Variants in NRIP3 observed in about 807,000 individuals in gnomAD.
NRIP3 encodes nuclear receptor-interacting protein 3.
NRIP3 carries 31 observed loss-of-function variants against 29.0 expected under a neutral mutation model. That is an observed-to-expected ratio of 1.07 (90% confidence interval 0.80 to 1.44). The LOEUF (loss-of-function observed/expected upper bound fraction) is 1.44, where lower values mean the gene tolerates loss of function less well. Among genes scored for constraint, NRIP3 ranks in the 40% most tolerant of loss-of-function variants. The pLI is 0.00. For synonymous variants in NRIP3, 131 were observed against 118.3 expected, an observed-to-expected ratio of 1.11 and a Z score of -0.70; for missense variants, 314 against 297.9, an observed-to-expected ratio of 1.05 and a Z score of -0.40.
intron 1 of NRIP3, among the ~76,000 whole-genome samples, chr11:8,995,219 C>G (rs983504390): frequency 6.6e-6 from 1 of 152,162 alleles, no homozygotes; most frequent in Non-Finnish European, 1.5e-5. Context: ...CCTTCCACTA[C>G]CATTCATCCT....
chr11:8,983,205 T>C lies in NRIP3; in HGVS notation c.*340A>G. Reference sequence around the variant, plus strand: ...CTATAGGAAAAGAAGCACATATATCTATGGAGACACAGAACCTGGCAGCCC... The same window carrying C: ...CTATAGGAAAAGAAGCACATATATCCATGGAGACACAGAACCTGGCAGCCC... On this transcript the variant is annotated 3_prime_UTR_variant, in exon 7 of 7. Coordinates refer to ENST00000309166, the MANE Select transcript of NRIP3 (RefSeq NM_020645.3). 2.3e-6 allele frequency: 1 copy of C among 439,902 alleles called. No homozygotes were observed. Among genetic ancestry groups the C allele is most frequent in the Non-Finnish European group, 4.1e-6 (1 of 242,358 alleles). The allele number at this position is 439,902 out of a possible 1,614,324, so 27.2% of individuals were successfully genotyped here.
rs139920896 is a variant in NRIP3, at chr11:8,988,121, G to A, written c.336C>T (p.Cys112=). 3 of 1,613,756 alleles carry A rather than the reference G, an allele frequency of 1.9e-6. No individual in the cohort carries two copies. The change falls in exon 2 of 7, where the codon TGC becomes TGT. Residue 112 remains cysteine, a synonymous_variant. Coordinates refer to ENST00000309166, the MANE Select transcript of NRIP3 (RefSeq NM_020645.3). ...AAAGCTGTTCTCAGAACATTACCTGGCAAGAAACCAAAATCATGTCATCCT... is the reference window on the plus strand; with the variant it reads ...AAAGCTGTTCTCAGAACATTACCTGACAAGAAACCAAAATCATGTCATCCT... ...SEEDDMILVS[C]QCAGKDVKAL...
At chr11:8,983,745 G>GGT (rs1854460003) in intron 6 of NRIP3, 130 bp downstream of exon 6, 2 of 914,348 alleles carry the variant, frequency 2.2e-6, no homozygotes, top group African/African-American at 3.3e-5. Context: ...TGTGGGGAAG[G>GGT]GTGGATTTGT....
At position 8,982,946 on chromosome 11, in the gene NRIP3, T is replaced by G. The variant is rs1300644642; in HGVS notation, c.*599A>C. Reference sequence around the variant, plus strand: ...AAATCAGGTCTGCGTTCTTGGTCCCTTCAGTCACTGACCTAATATATGAAC... The same window carrying G: ...AAATCAGGTCTGCGTTCTTGGTCCCGTCAGTCACTGACCTAATATATGAAC... On this transcript the variant is annotated 3_prime_UTR_variant, in exon 7 of 7. Transcript: ENST00000309166. 1 of 456,436 alleles carries G rather than the reference T, an allele frequency of 2.2e-6. No individual in the cohort carries two copies. The highest frequency in any genetic ancestry group is 4.4e-6 in the Non-Finnish European group (1 of 226,930). 28.3% of individuals were successfully genotyped at this position (456,436 alleles called of 1,614,324 possible). A position where few individuals can be genotyped will look rare whatever the true frequency, so the allele number is the denominator to read the frequency against.
At chr11:8,986,997 A>C (rs1854530733) in intron 3 of NRIP3, among the ~76,000 whole-genome samples, 1 of 152,212 alleles carries the variant, frequency 6.6e-6, no homozygotes, top group Non-Finnish European at 1.5e-5. Context: ...CAGCCTGGGC[A>C]ACACAGTGAG....
intron 4 of NRIP3, among the ~76,000 whole-genome samples, chr11:8,984,545 G>A (rs894893738): frequency 5.3e-5 from 8 of 152,186 alleles, no homozygotes; most frequent in African/African-American, 1.4e-4. Flanking sequence ...TTACAGGCAT[G>A]AGCCACCGCG....
At chr11:9,001,170 G>A (rs1427960376) in intron 1 of NRIP3, among the ~76,000 whole-genome samples, 17 of 152,054 alleles carry the variant, frequency 1.1e-4, no homozygotes, top group Non-Finnish European at 1.5e-5. Context: ...AAAGCAAAAG[G>A]GGCAGACAAA....
intron 1 of NRIP3, among the ~76,000 whole-genome samples, chr11:8,995,240 C>T (rs963251347): frequency 2.0e-5 from 3 of 152,188 alleles, no homozygotes; most frequent in Non-Finnish European, 4.4e-5. Context: ...CCTTCCCAAT[C>T]TCATCTTTTT....
intron 4 of NRIP3, among the ~76,000 whole-genome samples, 199 bp from the exon 5 acceptor site, chr11:8,984,323 C>T (rs894779178): frequency 5.9e-5 from 9 of 151,752 alleles, no homozygotes; most frequent in East Asian, 1.9e-4. Context: ...AGTGCAGTGG[C>T]GCAATCTCGG....
chr11:9,003,975 G>C lies in NRIP3; in HGVS notation c.-40C>G, dbSNP rs377510441. On this transcript the variant is annotated 5_prime_UTR_variant, in exon 1 of 7. Coordinates refer to ENST00000309166, the MANE Select transcript of NRIP3 (RefSeq NM_020645.3). Reference sequence around the variant, plus strand: ...CGGCCCGGTAGCCCACAGCCCCCCGGCAGCCTCAGCCTCGAGCTCCTCCAG... The same window carrying C: ...CGGCCCGGTAGCCCACAGCCCCCCGCCAGCCTCAGCCTCGAGCTCCTCCAG... The C allele has an allele frequency of 1.2e-3, 1,681 of 1,456,500 alleles. 15 individuals carry two copies. In the African/African-American group the frequency reaches 0.022, roughly 19 times the overall value. The allele number at this position is 1,456,500 out of a possible 1,614,324, so 90.2% of individuals were successfully genotyped here.
intron 3 of NRIP3, among the ~76,000 whole-genome samples, chr11:8,986,950 G>GAA (rs1854530273): frequency 6.6e-6 from 1 of 152,202 alleles, no homozygotes; most frequent in East Asian, 1.9e-4. Flanking sequence ...CCCAGGAGGC[G>GAA]GAGGTTGCAG....
At chr11:9,004,004 C>T (rs548761634), upstream of NRIP3, 68 of 1,362,070 alleles carry the variant, frequency 5.0e-5, 1 homozygote, top group South Asian at 8.9e-4. Context: ...CCTCCAGCGC[C>T]GCAAGGGCCC....
At chr11:8,996,662 T>C (rs1393440696) in intron 1 of NRIP3, among the ~76,000 whole-genome samples, 3 of 152,248 alleles carry the variant, frequency 2.0e-5, no homozygotes. Flanking sequence ...ATTTCTACTA[T>C]TTGTATCCCC....
At chr11:9,004,060 C>A (rs570801994), upstream of NRIP3, 2 of 959,762 alleles carry the variant, frequency 2.1e-6, no homozygotes, top group Admixed American at 8.6e-5. Flanking sequence ...GGGGAGCAGC[C>A]AGTGCGCGCG....
At chr11:8,984,789 G>C (rs1414879021) in intron 4 of NRIP3, among the ~76,000 whole-genome samples, 5 of 152,134 alleles carry the variant, frequency 3.3e-5, no homozygotes, top group African/African-American at 1.2e-4. Context: ...TCTCTAACTA[G>C]TTCATGGAAA....
At chr11:8,990,398 C>T (rs1232739020) in intron 1 of NRIP3, among the ~76,000 whole-genome samples, 1 of 152,202 alleles carries the variant, frequency 6.6e-6, no homozygotes, top group Non-Finnish European at 1.5e-5. Context: ...GCATTTGGCC[C>T]TGCTGACTAT....
chr11:8,983,423 C>T lies in NRIP3; in HGVS notation c.*122G>A. 1 of 830,492 alleles carries T rather than the reference C, an allele frequency of 1.2e-6. No individual in the cohort carries two copies. The highest frequency in any genetic ancestry group is 2.6e-5 in the East Asian group (1 of 38,328). 51.4% of individuals were successfully genotyped at this position (830,492 alleles called of 1,614,324 possible). A position where few individuals can be genotyped will look rare whatever the true frequency, so the allele number is the denominator to read the frequency against. ...GAATGGGAAGGAGCCCCTGGAGCTT[C>T]TATTAGATGGAAGGACTTGGTCCAC... On this transcript the variant is annotated 3_prime_UTR_variant, in exon 7 of 7. Transcript: ENST00000309166.
chr11:8,985,778 C>T lies in NRIP3; in HGVS notation c.495G>A (p.Val165=). 1 of 1,614,098 alleles carries T rather than the reference C, an allele frequency of 6.2e-7. No individual in the cohort carries two copies. Among genetic ancestry groups the T allele is most frequent in the African/African-American group, 1.3e-5 (1 of 75,008 alleles). The change falls in exon 4 of 7, where the codon GTG becomes GTA. Residue 165 remains valine (V), a synonymous_variant. Transcript: ENST00000309166. ...KLSLPRHLKV[V]GQIEHLVITL... ...TGATCACTAGGTGCTCAATCTGGCCCACTACTTTGAGATGCCGGGGTAGAG... is the reference window on the plus strand; with the variant it reads ...TGATCACTAGGTGCTCAATCTGGCCTACTACTTTGAGATGCCGGGGTAGAG...
At chr11:8,987,679 G>C (rs1854539862) in intron 2 of NRIP3, 49 bp from the exon 3 acceptor site, 2 of 1,389,660 alleles carry the variant, frequency 1.4e-6, no homozygotes, top group Middle Eastern at 3.6e-4. Flanking sequence ...AAGCGAAAGG[G>C]AAAGGAGATG....
Sources: allele counts gnomAD v4.1 joint callset (sites outside exome capture counted in the v4.1 genomes callset), GRCh38; gene constraint gnomAD v4.1.1; transcripts MANE v1.5; gene names NCBI Gene and HGNC (gene_info 2026-07-23, HGNC 2026-07-21).